The following TTN variants were observed in gnomAD, a reference collection of about 807,000 sequenced individuals.
The protein encoded by TTN is connectin.
A neutral mutation model predicts 3,223.0 loss-of-function variants in TTN; 1,525 were observed. That is an observed-to-expected ratio of 0.47 (90% CI 0.45 to 0.49). The LOEUF (loss-of-function observed/expected upper bound fraction) is 0.49. Ranked by LOEUF, TTN falls within the 20% of genes least tolerant of loss-of-function variation. The pLI is 0.00. For synonymous variants in TTN, 14,094 were observed against 15,161.0 expected, an observed-to-expected ratio of 0.93 and a Z score of 5.17; for missense variants, 40,786 against 43,424.0, an observed-to-expected ratio of 0.94 and a Z score of 5.40.
chr2:178,621,542 A>T lies in TTN; in HGVS notation c.45282T>A (p.Leu15094=). 1.9e-6 allele frequency: 3 copies of T among 1,612,474 alleles called. No homozygotes were observed. The highest frequency in any genetic ancestry group is 2.5e-6 in the Non-Finnish European group (3 of 1,179,074). ...GACAGTTGTAGTTGCCAGCATCCTC[A>T]AGGTGAGCGTTCTGAATGACCAGGA... ...KRILVIQNAH[L]EDAGNYNCRL... Residue 15094 remains leucine, a synonymous_variant, in exon 245 of 363, where the codon CTT becomes CTA. Transcript: ENST00000589042.
chr2:178,731,633 G>C (rs765038613), intron 58 of TTN, 50 bp from the exon 59 acceptor site: 6 of 1,566,852 alleles, frequency 3.8e-6, no homozygotes, highest in African/African-American at 1.4e-5. Context: ...AGCAAAAGTG[G>C]CTTAAAAAAA....
In TTN at chr2:178,530,269, G is replaced by A. The variant is rs1688512562; in HGVS notation, c.106346C>T (p.Pro35449Leu). The change falls in exon 358 of 363, where the codon CCA (proline) becomes CTA (leucine). Residue 35449 changes from proline (P) to leucine (L), a missense_variant. Transcript: ENST00000589042. ...TCCATCTTTTGTCCAGATGGCAGTTGGCCGGGGTTCTCCAGTAGCCTTAAC... is the reference window on the plus strand; with the variant it reads ...TCCATCTTTTGTCCAGATGGCAGTTAGCCGGGGTTCTCCAGTAGCCTTAAC... Reference protein sequence around the residue: ...FAVKATGEPRPTAIWTKDGKA... With the variant: ...FAVKATGEPRLTAIWTKDGKA... 6.2e-7 allele frequency: 1 copy of A among 1,607,306 alleles called. No homozygotes were observed. Among genetic ancestry groups the A allele is most frequent in the South Asian group, 1.1e-5 (1 of 90,062 alleles).
At position 178,586,836 on chromosome 2, in the gene TTN, A is replaced by C. The variant is rs1050713813; in HGVS notation, c.64094-29T>G. 9 of 1,596,104 alleles carry C rather than the reference A, an allele frequency of 5.6e-6. No individual in the cohort carries two copies. In the African/African-American group the frequency reaches 9.6e-5, roughly 17 times the overall value. On this transcript the variant is annotated intron_variant, in intron 307 of 362. Coordinates refer to ENST00000589042, the MANE Select transcript of TTN (RefSeq NM_001267550.2). ...GAAGAAAAACATAATTTAGAAGATT[A>C]CCTAGGTAACCTAATCAAATCCCCT... is the stretch of plus-strand genomic sequence containing the variant.
At position 178,604,193 on chromosome 2, in the gene TTN, C is replaced by T. The variant is rs574313741; in HGVS notation, c.54494G>A (p.Arg18165His). 89 of 1,611,718 alleles carry T rather than the reference C, an allele frequency of 5.5e-5. 1 individual carries two copies. In the South Asian group the frequency reaches 6.2e-4, roughly 11 times the overall value. ...TGGTTTTCCTGGAGGTCCAGGAAGG[C>T]GATAAGGATCTTGAATGACTACTTT... is the stretch of plus-strand genomic sequence containing the variant. ...SDKVVIQDPY[R>H]LPGPPGKPKV... is the part of the protein sequence containing the mutation. Residue 18165 changes from arginine to histidine, a missense_variant, in exon 282 of 363, where the codon CGC (arginine) becomes CAC (histidine). Arg to His is a conservative substitution (Grantham distance 29). Coordinates refer to ENST00000589042, the MANE Select transcript of TTN (RefSeq NM_001267550.2).
At chr2:178,680,839 T>C (rs184141150) in intron 138 of TTN, among the ~76,000 whole-genome samples, 1 of 152,244 alleles carries the variant, frequency 6.6e-6, no homozygotes, top group East Asian at 1.9e-4. Context: ...CTATTTTATA[T>C]GTATTGTAGC....
intron 22 of TTN, among the ~76,000 whole-genome samples, 166 bp from the exon 23 acceptor site, chr2:178,779,628 G>A (rs529234170): frequency 6.6e-6 from 1 of 152,302 alleles, no homozygotes; most frequent in South Asian, 2.1e-4. Flanking sequence ...CTTTCCCAGT[G>A]AATGTTGTGG....
Position 178,740,213 on chromosome 2 carries a change from C to T in TTN, c.13020G>A (p.Leu4340=), listed in dbSNP as rs369937083. 1.2e-6 allele frequency: 2 copies of T among 1,613,622 alleles called. No individual in the cohort carries two copies. The highest frequency in any genetic ancestry group is 1.7e-6 in the Non-Finnish European group (2 of 1,179,768). Residue 4340 remains leucine (L), a synonymous_variant, in exon 48 of 363, where the codon CTG becomes CTA. Transcript: ENST00000589042. Reference sequence around the variant, plus strand: ...CGTTGTCAGAATGCTCTTCTTTGAGCAGTACCTGCTTTTCTTCAAGTGCTA... The same window carrying T: ...CGTTGTCAGAATGCTCTTCTTTGAGTAGTACCTGCTTTTCTTCAAGTGCTA... The part of the protein sequence containing the change: ...FPLALEEKQV[L]LKEEHSDNVV...
chr2:178,767,483 G>C (rs1209019829), intron 40 of TTN, among the ~76,000 whole-genome samples: 1 of 152,024 alleles, frequency 6.6e-6, no homozygotes. Context: ...TTTCTGGTTG[G>C]TGCTGCTTGG....
chr2:178,569,960 C>A lies in TTN; in HGVS notation c.76172G>T (p.Ser25391Ile). 6.2e-7 allele frequency: 1 copy of A among 1,612,146 alleles called. No individual in the cohort carries two copies. The highest frequency in any genetic ancestry group is 8.5e-7 in the Non-Finnish European group (1 of 1,178,830). ...AENAAGLSEP[S>I]PPSAYQKACD... ...AGCCTTTTGGTAAGCAGAAGGAGGG[C>A]TTGGTTCACTAAGTCCAGCAGCATT... Residue 25391 changes from serine (S) to isoleucine (I), a missense_variant, in exon 326 of 363, where the codon AGC becomes ATC. By Grantham distance (142) the Ser-to-Ile change is moderately radical. Transcript: ENST00000589042.
intron 69 of TTN, 61 bp downstream of exon 69, chr2:178,727,029 A>G (rs1560743039): frequency 2.2e-6 from 3 of 1,358,042 alleles, no homozygotes; most frequent in African/African-American, 1.5e-5. Flanking sequence ...ATAAAGAGCT[A>G]TAATACCCAG....
At position 178,804,614 on chromosome 2, in the gene TTN, T is replaced by C; in HGVS notation, c.29A>G (p.Gln10Arg). 1 of 1,613,952 alleles carries C rather than the reference T, an allele frequency of 6.2e-7. No individual in the cohort carries two copies. Among genetic ancestry groups the C allele is most frequent in the Non-Finnish European group, 8.5e-7 (1 of 1,179,914 alleles). ...CAGTACCACAACGCTTTGTAACGGCTGCGTAAACGTCGGTGCTTGAGTTGT... is the reference window on the plus strand; with the variant it reads ...CAGTACCACAACGCTTTGTAACGGCCGCGTAAACGTCGGTGCTTGAGTTGT... MTTQAPTFTQPLQSVVVLEG... is the reference protein window; with the variant it reads MTTQAPTFTRPLQSVVVLEG... Residue 10 changes from glutamine to arginine, a missense_variant, in exon 2 of 363, where the codon CAG (glutamine) becomes CGG (arginine). Coordinates refer to ENST00000589042, the MANE Select transcript of TTN (RefSeq NM_001267550.2).
rs1060500542 is a variant in TTN, at chr2:178,608,707, A to T, written c.52304T>A (p.Leu17435Gln). The change falls in exon 274 of 363, where the codon CTG becomes CAG. Residue 17435 changes from leucine to glutamine, a missense_variant. Transcript: ENST00000589042. ...GAAGAGGTACTCTTTTCCTTCAATC[A>T]GTTTTGTTACTGAATATTTGCAATG... ...LRHCKYSVTKLIEGKEYLFRV... is the reference protein window; with the variant it reads ...LRHCKYSVTKQIEGKEYLFRV... 5 of 1,612,480 alleles carry T rather than the reference A, an allele frequency of 3.1e-6. No homozygotes were observed. The Admixed American group carries it at 5.0e-5, about 16-fold the overall frequency.
At position 178,679,950 on chromosome 2, in the gene TTN, T is replaced by A. The variant is rs770309328; in HGVS notation, c.33524A>T (p.His11175Leu). 1 of 1,613,234 alleles carries A rather than the reference T, an allele frequency of 6.2e-7. No individual in the cohort carries two copies. Among genetic ancestry groups the A allele is most frequent in the African/African-American group, 1.3e-5 (1 of 74,978 alleles). The change falls in exon 140 of 363, where the codon CAT (histidine) becomes CTT (leucine). Residue 11175 changes from histidine to leucine, a missense_variant. His to Leu is a moderately conservative substitution (Grantham distance 99). Transcript: ENST00000589042. ...YLVEEEEEYI[H>L]EEEEFITEEE... Reference sequence around the variant, plus strand: ...CTCAGTTATGAACTCCTCTTCTTCATGAATGTACTCTTCTTCTTCTTCTAC... The same window carrying A: ...CTCAGTTATGAACTCCTCTTCTTCAAGAATGTACTCTTCTTCTTCTTCTAC...
At chr2:178,748,002 C>G (rs1309184979) in intron 47 of TTN, 2 of 1,612,836 alleles carry the variant, frequency 1.2e-6, no homozygotes, top group Non-Finnish European at 1.7e-6. Context: ...TCCTGTGTCC[C>G]ACCATCCTGC....
intron 332 of TTN, 43 bp downstream of exon 332, chr2:178,554,410 T>C (rs1700521799): frequency 6.3e-7 from 1 of 1,585,176 alleles, no homozygotes; most frequent in Admixed American, 1.8e-5. Context: ...AGTTTATTTT[T>C]AAATTTTTCA....
chr2:178,724,285 G>A lies in TTN; in HGVS notation c.21090C>T (p.Ser7030=). Residue 7030 remains serine (S), a synonymous_variant, in exon 72 of 363, where the codon AGC becomes AGT. Coordinates refer to ENST00000589042, the MANE Select transcript of TTN (RefSeq NM_001267550.2). ...CTGAAACATCAACCACAGCTGTGCA[G>A]CTGCTTTTCCCAACATTATTTTGAA... ...FQVQNNVGKS[S]CTAVVDVSDR... 6.2e-7 allele frequency: 1 copy of A among 1,613,360 alleles called. No homozygotes were observed. Among genetic ancestry groups the A allele is most frequent in the South Asian group, 1.1e-5 (1 of 91,048 alleles).
chr2:178,693,631 T>G lies in TTN; in HGVS notation c.31572A>C (p.Lys10524Asn), dbSNP rs761500644. ...TEEKIHVAISKRVEPPPKVPE... is the reference protein window; with the variant it reads ...TEEKIHVAISNRVEPPPKVPE... ...TACCTTTAGGTGGTGGTTCAACCCTTTTGGAAATGGCAACGTGAATTTTCT... is the reference window on the plus strand; with the variant it reads ...TACCTTTAGGTGGTGGTTCAACCCTGTTGGAAATGGCAACGTGAATTTTCT... Residue 10524 changes from lysine to asparagine, a missense_variant, in exon 119 of 363, where the codon AAA (lysine) becomes AAC (asparagine). By Grantham distance (94) the Lys-to-Asn change is moderately conservative. Coordinates refer to ENST00000589042, the MANE Select transcript of TTN (RefSeq NM_001267550.2). 1 of 1,601,252 alleles carries G rather than the reference T, an allele frequency of 6.2e-7. No homozygotes were observed. Among genetic ancestry groups the G allele is most frequent in the Non-Finnish European group, 8.5e-7 (1 of 1,171,410 alleles).
chr2:178,586,575 C>T lies in TTN; in HGVS notation c.64326G>A (p.Ala21442=), dbSNP rs377109969. The change falls in exon 308 of 363, where the codon GCG becomes GCA. Residue 21442 remains alanine, a synonymous_variant. Coordinates refer to ENST00000589042, the MANE Select transcript of TTN (RefSeq NM_001267550.2). Reference sequence around the variant, plus strand: ...AACTGACTCCAACAGCATTTCTGGCCGCTACTCTAAATTTGTATTTCTTTC... The same window carrying T: ...AACTGACTCCAACAGCATTTCTGGCTGCTACTCTAAATTTGTATTTCTTTC... ...KEGKKYKFRV[A]ARNAVGVSLP... is the part of the protein sequence containing the mutation. 156 of 1,613,144 alleles carry T rather than the reference C, an allele frequency of 9.7e-5. No homozygotes were observed. The highest frequency in any genetic ancestry group is 1.2e-4 in the African/African-American group (9 of 74,972).
At position 178,552,129 on chromosome 2, in the gene TTN, A is replaced by G. The variant is rs1699681521; in HGVS notation, c.90771T>C (p.Ile30257=). 1 of 1,613,782 alleles carries G rather than the reference A, an allele frequency of 6.2e-7. No individual in the cohort carries two copies. The change falls in exon 335 of 363, where the codon ATT becomes ATC. Residue 30257 remains isoleucine, a synonymous_variant. Transcript: ENST00000589042. ...DVPEDNGGGE[I]TCYSIEKRET... ...CCCGCTTCTCGATGCTGTAACAAGT[A>G]ATTTCTCCTCCTCCATTATCTTCAG...
Sources: gnomAD v4.1 joint callset for allele counts (sites outside exome capture counted in the v4.1 genomes callset) on GRCh38, gnomAD v4.1.1 for gene constraint, MANE v1.5 for transcripts, NCBI Gene and HGNC (gene_info 2026-07-23, HGNC 2026-07-21) for gene names.